RANBP2: variants seen among roughly 807,000 people sequenced by gnomAD.
RANBP2 encodes RAN binding protein 2, also known as E3 SUMO-protein ligase RanBP2.
A neutral mutation model predicts 303.6 loss-of-function variants in RANBP2; 57 were observed. The observed-to-expected ratio is 0.19, with a 90% CI of 0.15 to 0.23. The LOEUF (loss-of-function observed/expected upper bound fraction) is 0.23, where lower values mean the gene tolerates loss of function less well. RANBP2 is among the 10% of genes least tolerant of loss of function. RANBP2 has a pLI of 1.00. For synonymous variants in RANBP2, 1,167 were observed against 1,301.5 expected, an observed-to-expected ratio of 0.90 and a Z score of 2.23; for missense variants, 3,138 against 3,780.8, an observed-to-expected ratio of 0.83 and a Z score of 4.46.
the RANBP2 span, chr2:109,613,139 C>T: frequency 2.1e-5 from 27 of 1,284,258 alleles, no homozygotes; most frequent in Admixed American, 5.7e-4. Flanking sequence ...ACTCGATGTA[C>T]ACGACCTTGG....
chr2:109,615,483 G>C, the RANBP2 span: 2 of 1,613,502 alleles, frequency 1.2e-6, no homozygotes, highest in South Asian at 1.1e-5. Flanking sequence ...CCAGCTGCCG[G>C]TGAACATCGA....
At chr2:109,152,829 C>T in the RANBP2 span, among the ~76,000 whole-genome samples, 1 of 152,186 alleles carries the variant, frequency 6.6e-6, no homozygotes, top group East Asian at 1.9e-4. Context: ...CATGGGCCCT[C>T]TCACAGTGAA....
the RANBP2 span, among the ~76,000 whole-genome samples, chr2:109,136,257 G>T: frequency 6.6e-6 from 1 of 152,078 alleles, no homozygotes; most frequent in Non-Finnish European, 1.5e-5. Flanking sequence ...GCAAGCATTT[G>T]CTGGGGGAAA....
the RANBP2 span, among the ~76,000 whole-genome samples, chr2:108,890,232 C>CTTTTTT: frequency 3.6e-4 from 41 of 114,690 alleles, no homozygotes; most frequent in Non-Finnish European, 5.0e-4. Context: ...ATGGGGTTTT[C>CTTTTTT]TTTTTTTTTT....
chr2:109,548,987 G>A, the RANBP2 span, among the ~76,000 whole-genome samples: 2 of 152,234 alleles, frequency 1.3e-5, no homozygotes, highest in South Asian at 2.1e-4. Context: ...AATCGATTAA[G>A]GCCCTCCTAA....
chr2:109,732,602 G>T, the RANBP2 span: 1 of 406,502 alleles, frequency 2.5e-6, no homozygotes, highest in East Asian at 6.6e-5. Context: ...TCAGCCTCTC[G>T]AGTAGCTGGG....
chr2:108,870,835 G>A, the RANBP2 span, among the ~76,000 whole-genome samples: 11 of 152,212 alleles, frequency 7.2e-5, no homozygotes, highest in South Asian at 4.1e-4. Context: ...GAAAATTAAA[G>A]TTATTGTTTA....
chr2:109,632,791 C>A, the RANBP2 span, among the ~76,000 whole-genome samples: 1 of 151,744 alleles, frequency 6.6e-6, no homozygotes, highest in Non-Finnish European at 1.5e-5. Flanking sequence ...TGCACTCCAG[C>A]CTGGGCAACA....
chr2:108,794,772 A>G, the RANBP2 span: 1 of 1,384,840 alleles, frequency 7.2e-7, no homozygotes, highest in Admixed American at 2.2e-5. Context: ...TGTTCTAAGA[A>G]CCAAGCATTT....
At chr2:109,055,932 G>T in the RANBP2 span, among the ~76,000 whole-genome samples, 1 of 144,544 alleles carries the variant, frequency 6.9e-6, no homozygotes, top group African/African-American at 2.6e-5. Flanking sequence ...GCTAATTTTC[G>T]CATTTTTAGT....
chr2:109,579,641 C>A, the RANBP2 span, among the ~76,000 whole-genome samples: 6 of 151,398 alleles, frequency 4.0e-5, no homozygotes, highest in Admixed American at 4.0e-4. Flanking sequence ...CCTTGGCCTC[C>A]CAAAGTGCTG....
intron 7 of RANBP2, among the ~76,000 whole-genome samples, chr2:108,741,599 G>A (rs1205656115): frequency 1.9e-4 from 24 of 129,150 alleles, no homozygotes; most frequent in African/African-American, 5.2e-4. Context: ...TCCACCTCCC[G>A]AGTTCACGCC....
chr2:109,005,847 A>AGCTGACGTCGTTCTCAACC, the RANBP2 span, among the ~76,000 whole-genome samples: 1 of 152,174 alleles, frequency 6.6e-6, no homozygotes, highest in Admixed American at 6.5e-5. Flanking sequence ...ACATTTCAAC[A>AGCTGACGTCGTTCTCAACC]GCTGACGTCG....
At chr2:109,574,492 G>T in the RANBP2 span, 828 of 505,630 alleles carry the variant, frequency 1.6e-3, no homozygotes, top group Non-Finnish European at 2.2e-3. Context: ...CAGGATAAAA[G>T]TTACAATATA....
At chr2:109,342,558 C>T in the RANBP2 span, among the ~76,000 whole-genome samples, 3 of 152,214 alleles carry the variant, frequency 2.0e-5, no homozygotes, top group Admixed American at 1.3e-4. Flanking sequence ...GGAGCCGGTG[C>T]TCCACGCTCT....
At chr2:109,516,680 C>T in the RANBP2 span, among the ~76,000 whole-genome samples, 4 of 152,216 alleles carry the variant, frequency 2.6e-5, no homozygotes, top group Non-Finnish European at 5.9e-5. Flanking sequence ...CCCCCAGCCC[C>T]AAAGCAGGGC....
the RANBP2 span, chr2:108,940,285 A>C: frequency 6.6e-6 from 1 of 152,354 alleles, no homozygotes; most frequent in Admixed American, 6.5e-5. Flanking sequence ...AGGTGCCCAC[A>C]TGGGTGGTGG....
the RANBP2 span, among the ~76,000 whole-genome samples, chr2:109,231,782 C>T: frequency 6.6e-6 from 1 of 152,166 alleles, no homozygotes; most frequent in Admixed American, 6.5e-5. Context: ...ATCTTCTATT[C>T]CTTGTTCTCC....
At chr2:109,430,972 C>T in the RANBP2 span, among the ~76,000 whole-genome samples, 10 of 152,152 alleles carry the variant, frequency 6.6e-5, no homozygotes, top group African/African-American at 2.4e-4. Flanking sequence ...GAGGGCCTTG[C>T]TATGTAGGAT....
Sources: allele counts gnomAD v4.1 joint callset (sites outside exome capture counted in the v4.1 genomes callset), GRCh38; gene constraint gnomAD v4.1.1; transcripts MANE v1.5; gene names NCBI Gene and HGNC (gene_info 2026-07-23, HGNC 2026-07-21).